The following LTN1 variants were observed in gnomAD, a reference collection of about 807,000 sequenced individuals.
LTN1 encodes the protein listerin E3 ubiquitin protein ligase 1, also known as E3 ubiquitin-protein ligase listerin.
LTN1 carries 88 observed loss-of-function variants against 201.2 expected under a neutral mutation model. That is an observed-to-expected ratio of 0.44 (90% CI 0.37 to 0.52). The LOEUF is 0.52. LTN1 is among the 20% of genes least tolerant of loss of function. The pLI is 0.00. For synonymous variants in LTN1, 645 were observed against 713.5 expected, an observed-to-expected ratio of 0.90 and a Z score of 1.53; for missense variants, 1,752 against 2,038.7, an observed-to-expected ratio of 0.86 and a Z score of 2.71.
chr21:28,936,859 C>T (rs977297028), intron 25 of LTN1, among the ~76,000 whole-genome samples, 162 bp from the exon 26 acceptor site: 3 of 152,152 alleles, frequency 2.0e-5, no homozygotes, highest in Non-Finnish European at 4.4e-5. Context: ...AAATTGTCTT[C>T]CTGTATTACA....
At chr21:28,941,707 T>C (rs914901591) in intron 24 of LTN1, among the ~76,000 whole-genome samples, 2 of 152,272 alleles carry the variant, frequency 1.3e-5, no homozygotes, top group Admixed American at 6.5e-5. Flanking sequence ...TTTCAGTTAG[T>C]AGGGGAAACT....
Position 28,947,486 on chromosome 21 carries a change from C to A in LTN1, c.3465G>T (p.Lys1155Asn), listed in dbSNP as rs1396678641. Residue 1155 changes from lysine (K) to asparagine (N), a missense_variant, in exon 19 of 30, where the codon AAG becomes AAT. By Grantham distance (94) the Lys-to-Asn change is moderately conservative (BLOSUM62 0). This residue lies in a region of LTN1 where 1,211 missense variants were observed against 1,312.8 expected (regional missense o/e 0.92). Transcript: ENST00000361371. ...AACCATTAGTGCTGCAAAGATCTTT[C>A]TTAGTCCAGCCCAAAAGAGCAGGTA... ...QCIPALLGWT[K>N]KDLCSTNGGF... The A allele has an allele frequency of 6.5e-7, 1 of 1,539,218 alleles. No homozygotes were observed. Among genetic ancestry groups the A allele is most frequent in the African/African-American group, 1.4e-5 (1 of 71,352 alleles).
At chr21:28,948,826 A>T (rs548608467) in intron 18 of LTN1, among the ~76,000 whole-genome samples, 4 of 152,182 alleles carry the variant, frequency 2.6e-5, no homozygotes, top group Admixed American at 6.5e-5. Context: ...TTGCTGTCAC[A>T]CATAATGCTG....
At chr21:28,942,742 T>C (rs2084306708) in intron 24 of LTN1, among the ~76,000 whole-genome samples, 1 of 144,566 alleles carries the variant, frequency 6.9e-6, no homozygotes, top group Non-Finnish European at 1.5e-5. Context: ...AAAGAAAGTC[T>C]TCCCTTCCTG....
chr21:28,960,588 A>G lies in LTN1; in HGVS notation c.2282T>C (p.Val761Ala). ...CLCNEDLESRVSSESHFSERW... is the reference protein window; with the variant it reads ...CLCNEDLESRASSESHFSERW... ...TTCTGAGAAGTGAGATTCTGAAGAT[A>G]CCCTGGATTCCAAGTCCTCATTACA... Residue 761 changes from valine (V) to alanine (A), a missense_variant, in exon 12 of 30, where the codon GTA becomes GCA. By Grantham distance (64) the Val-to-Ala change is moderately conservative. Transcript: ENST00000361371. The G allele has an allele frequency of 6.2e-7, 1 of 1,613,824 alleles. No homozygotes were observed. The highest frequency in any genetic ancestry group is 8.5e-7 in the Non-Finnish European group (1 of 1,179,786).
chr21:28,968,240 T>C (rs1273751292), intron 9 of LTN1, among the ~76,000 whole-genome samples: 1 of 152,224 alleles, frequency 6.6e-6, no homozygotes, highest in Non-Finnish European at 1.5e-5. Flanking sequence ...ATTAACAATC[T>C]AGTTTTCTTT....
At position 28,958,415 on chromosome 21, in the gene LTN1, T is replaced by G; in HGVS notation, c.2718A>C (p.Gln906His). 1.9e-6 allele frequency: 3 copies of G among 1,606,432 alleles called. No individual in the cohort carries two copies. The highest frequency in any genetic ancestry group is 2.5e-6 in the Non-Finnish European group (3 of 1,177,858). The change falls in exon 14 of 30, where the codon CAA becomes CAC. Residue 906 changes from glutamine (Q) to histidine (H), a missense_variant. Coordinates refer to ENST00000361371, the MANE Select transcript of LTN1 (RefSeq NM_015565.3). Reference sequence around the variant, plus strand: ...TGATATCCAAAGATGAAGCCTGAACTTGGTTCTTCAGCCACAGAGCAGACA... The same window carrying G: ...TGATATCCAAAGATGAAGCCTGAACGTGGTTCTTCAGCCACAGAGCAGACA... ...LHLSALWLKN[Q>H]VQASSLDINS...
rs372617361 is a variant in LTN1 at position 28,959,681 on chromosome 21, G to A, written c.2370C>T (p.Asp790=). 49 of 1,606,760 alleles carry A rather than the reference G, an allele frequency of 3.0e-5. No individual in the cohort carries two copies. The highest frequency in any genetic ancestry group is 6.7e-5 in the East Asian group (3 of 44,746). Residue 790 remains aspartate (D), a synonymous_variant, in exon 13 of 30, where the codon GAC becomes GAT. Transcript: ENST00000361371. ...TAACAATGATTCTTTCAACATATAC[G>A]TCTCCAATCAAGTAATCTGGAGAAA... is the stretch of plus-strand genomic sequence containing the variant. The part of the protein sequence containing the change: ...QHVKNDYLIG[D]VYVERIIVRL...
At chr21:28,971,563 GA>G in intron 6 of LTN1, 119 bp from the exon 7 acceptor site, 1 of 845,066 alleles carries the variant, frequency 1.2e-6, no homozygotes, top group Non-Finnish European at 1.8e-6. Flanking sequence ...AAAATAGCTA[GA>G]AAAAATACTT....
chr21:28,982,655 A>G (rs536097066), intron 4 of LTN1, among the ~76,000 whole-genome samples: 1 of 152,336 alleles, frequency 6.6e-6, no homozygotes, highest in South Asian at 2.1e-4. Context: ...GTGAATGTGA[A>G]TCTGGGAGAT....
chr21:28,971,298 A>G lies in LTN1; in HGVS notation c.957T>C (p.Ala319=). 1 of 1,614,048 alleles carries G rather than the reference A, an allele frequency of 6.2e-7. No individual in the cohort carries two copies. Residue 319 remains alanine (A), a synonymous_variant, in exon 7 of 30, where the codon GCT becomes GCC. Coordinates refer to ENST00000361371, the MANE Select transcript of LTN1 (RefSeq NM_015565.3). ...CAATAGTTGTAAGTGTATAGAGTAC[A>G]GCTTCCCAGAGAGCTGGGCAGACAA... ...DPIVCPALWE[A]VLYTLTTIED... is the part of the protein sequence containing the mutation.
chr21:28,954,009 T>G (rs1462170988), intron 16 of LTN1, among the ~76,000 whole-genome samples: 1 of 152,208 alleles, frequency 6.6e-6, no homozygotes, highest in Non-Finnish European at 1.5e-5. Flanking sequence ...AGAAGCATTG[T>G]GACCTGGTTC....
Position 28,956,750 on chromosome 21 carries a change from A to G in LTN1, c.3079+12T>C. 6.8e-7 allele frequency: 1 copy of G among 1,477,266 alleles called. No homozygotes were observed. The highest frequency in any genetic ancestry group is 9.3e-7 in the Non-Finnish European group (1 of 1,071,254). 91.5% of individuals were successfully genotyped at this position (1,477,266 alleles called of 1,614,324 possible). On this transcript the variant is annotated intron_variant, in intron 16 of 29. Transcript: ENST00000361371. ...TGCATTATGTTATATGTAAATACTC[A>G]TATATACTTACTTATTTTCTCAAGC... is the stretch of plus-strand genomic sequence containing the variant.
chr21:28,970,361 C>T (rs1601200752), intron 8 of LTN1, among the ~76,000 whole-genome samples, 191 bp downstream of exon 8: 1 of 152,202 alleles, frequency 6.6e-6, no homozygotes, highest in African/African-American at 2.4e-5. Context: ...ATTTATCTAA[C>T]TTCCTGCTGT....
rs2084758553 is a variant in LTN1 at position 28,992,810 on chromosome 21, G to A, written c.-5C>T. On this transcript the variant is annotated 5_prime_UTR_variant, in exon 1 of 30. Coordinates refer to ENST00000361371, the MANE Select transcript of LTN1 (RefSeq NM_015565.3). The stretch of plus-strand genomic sequence containing the variant: ...CTGCTTGTTCTTCCCGCCCATGGTC[G>A]CGGTTGCAGCTGTACTCTGAGCACT... The A allele has an allele frequency of 1.2e-6, 2 of 1,614,050 alleles. No individual in the cohort carries two copies. Among genetic ancestry groups the A allele is most frequent in the South Asian group, 2.2e-5 (2 of 91,080 alleles).
At chr21:28,984,577 G>T in intron 4 of LTN1, 115 bp downstream of exon 4, 2 of 648,598 alleles carry the variant, frequency 3.1e-6, no homozygotes. Flanking sequence ...CCTTCAGTTG[G>T]AAATACTCTA....
At chr21:28,982,462 A>C (rs2084666775) in intron 4 of LTN1, 94 bp from the exon 5 acceptor site, 1 of 919,982 alleles carries the variant, frequency 1.1e-6, no homozygotes. Flanking sequence ...CTTTTTAAAA[A>C]TCCCCATAAA....
chr21:28,942,453 T>C (rs893287223), intron 24 of LTN1, among the ~76,000 whole-genome samples: 2 of 152,198 alleles, frequency 1.3e-5, no homozygotes, highest in Non-Finnish European at 2.9e-5. Flanking sequence ...CCATTTATTA[T>C]AGGCCAGGAA....
At position 28,958,530 on chromosome 21, in the gene LTN1, A is replaced by G. The variant is rs1022816239; in HGVS notation, c.2603T>C (p.Ile868Thr). 2 of 1,594,160 alleles carry G rather than the reference A, an allele frequency of 1.3e-6. No individual in the cohort carries two copies. Among genetic ancestry groups the G allele is most frequent in the East Asian group, 2.3e-5 (1 of 43,970 alleles). The change falls in exon 14 of 30, where the codon ATC becomes ACC. Residue 868 changes from isoleucine to threonine, a missense_variant. This residue lies in a region of LTN1 where 1,211 missense variants were observed against 1,312.8 expected (regional missense o/e 0.92). Transcript: ENST00000361371. ...KEKTHLPDFL[I>T]CKLKNTWLSG... ...GAGCCAAGTATTTTTCAGTTTACAG[A>G]TAAGAAAATCTAAAATCAAGATGTC...
Sources: gnomAD v4.1 joint callset for allele counts (sites outside exome capture counted in the v4.1 genomes callset) on GRCh38, gnomAD v4.1.1 for gene constraint, gnomAD v4.1.1 regional missense constraint, MANE v1.5 for transcripts, NCBI Gene and HGNC (gene_info 2026-07-23, HGNC 2026-07-21) for gene names.